SLC25A21: variants seen among roughly 807,000 people sequenced by gnomAD.
The protein encoded by SLC25A21 is solute carrier family 25 member 21, also known as mitochondrial 2-oxodicarboxylate carrier.
SLC25A21 carries 47 observed loss-of-function variants against 43.8 expected under a neutral mutation model. That is an observed-to-expected ratio of 1.07 (90% CI 0.85 to 1.37). The LOEUF is 1.37. Among genes scored for constraint, SLC25A21 ranks in the 40% most tolerant of loss-of-function variants. The pLI is 0.00. For missense variants in SLC25A21, 352 were observed against 350.2 expected (o/e 1.00, Z -0.04); for synonymous variants, 131 against 121.3 (o/e 1.08, Z -0.52).
intron 1 of SLC25A21, among the ~76,000 whole-genome samples, chr14:36,934,095 A>T (rs564305731): frequency 7.6e-4 from 116 of 152,244 alleles, no homozygotes; most frequent in Middle Eastern, 3.4e-3. Context: ...GATTTTTTTA[A>T]GTTCCAAAAC....
At chr14:36,712,165 A>T (rs2139190192) in intron 6 of SLC25A21, among the ~76,000 whole-genome samples, 1 of 152,180 alleles carries the variant, frequency 6.6e-6, no homozygotes, top group East Asian at 1.9e-4. Flanking sequence ...TGACTGCTAG[A>T]ATCCAGTCTG....
Position 36,680,444 on chromosome 14 carries a change from A to C in SLC25A21, c.*214T>G. On this transcript the variant is annotated 3_prime_UTR_variant, in exon 10 of 10. Coordinates refer to ENST00000331299, the MANE Select transcript of SLC25A21 (RefSeq NM_030631.4). ...TTCACTTTAAATACCTCATTGTTTC[A>C]TATTATTTTTTTCTTCTCACAGTTT... 1 of 1,181,786 alleles carries C rather than the reference A, an allele frequency of 8.5e-7. No homozygotes were observed. Among genetic ancestry groups the C allele is most frequent in the East Asian group, 3.4e-5 (1 of 29,278 alleles). The allele number at this position is 1,181,786 out of a possible 1,614,324, so 73.2% of individuals were successfully genotyped here.
intron 2 of SLC25A21, among the ~76,000 whole-genome samples, chr14:36,855,816 G>A (rs946566965): frequency 3.9e-5 from 6 of 152,158 alleles, no homozygotes; most frequent in Admixed American, 1.3e-4. Context: ...ATATCAATAC[G>A]TATGCCTCGA....
intron 3 of SLC25A21, among the ~76,000 whole-genome samples, chr14:36,762,009 A>G (rs1213691976): frequency 6.6e-6 from 1 of 152,230 alleles, no homozygotes; most frequent in Non-Finnish European, 1.5e-5. Context: ...TCTTGTCAAA[A>G]TCTTTCAAAA....
intron 1 of SLC25A21, among the ~76,000 whole-genome samples, chr14:37,167,741 C>A (rs892979395): frequency 1.3e-5 from 2 of 152,038 alleles, no homozygotes; most frequent in East Asian, 3.9e-4. Flanking sequence ...GCAGACCCTG[C>A]GTTTGATGGA....
chr14:36,941,932 A>G (rs1291512944), intron 1 of SLC25A21, among the ~76,000 whole-genome samples: 2 of 152,122 alleles, frequency 1.3e-5, no homozygotes, highest in Non-Finnish European at 2.9e-5. Flanking sequence ...AGCAAAATCA[A>G]TGATACATCA....
intron 1 of SLC25A21, among the ~76,000 whole-genome samples, chr14:37,049,118 T>C (rs768078670): frequency 6.6e-6 from 1 of 152,228 alleles, no homozygotes; most frequent in African/African-American, 2.4e-5. Flanking sequence ...CAGCCAGAGT[T>C]AAGAACTACT....
chr14:36,738,624 C>G (rs946765483), intron 3 of SLC25A21, among the ~76,000 whole-genome samples: 2 of 152,182 alleles, frequency 1.3e-5, no homozygotes, highest in African/African-American at 4.8e-5. Context: ...TGACTCACAT[C>G]AAGCCAACTA....
intron 6 of SLC25A21, among the ~76,000 whole-genome samples, chr14:36,716,399 A>C (rs766455354): frequency 6.6e-6 from 1 of 152,036 alleles, no homozygotes; most frequent in Non-Finnish European, 1.5e-5. Flanking sequence ...TAAATAAGTA[A>C]ATTTTAGCTG....
intron 1 of SLC25A21, among the ~76,000 whole-genome samples, chr14:36,989,583 C>CTA (rs950429977): frequency 2.0e-5 from 3 of 151,640 alleles, no homozygotes; most frequent in African/African-American, 7.3e-5. Context: ...GAAGTCTTAA[C>CTA]TATAACACTA....
intron 1 of SLC25A21, among the ~76,000 whole-genome samples, chr14:37,050,036 T>C (rs1961671368): frequency 6.6e-6 from 1 of 152,234 alleles, no homozygotes; most frequent in African/African-American, 2.4e-5. Flanking sequence ...AAGACTACAC[T>C]AATATAATTT....
intron 1 of SLC25A21, among the ~76,000 whole-genome samples, chr14:37,085,423 A>G (rs1962465773): frequency 6.6e-6 from 1 of 152,060 alleles, no homozygotes; most frequent in South Asian, 2.1e-4. Context: ...AACCCTAAAA[A>G]CTATATATAT....
chr14:36,864,159 C>T (rs1260024531), intron 2 of SLC25A21, among the ~76,000 whole-genome samples: 4 of 151,768 alleles, frequency 2.6e-5, no homozygotes, highest in African/African-American at 9.7e-5. Context: ...GTTTTAGGGT[C>T]ATTCCTAGGT....
intron 3 of SLC25A21, among the ~76,000 whole-genome samples, chr14:36,738,295 G>C (rs1263305876): frequency 1.3e-5 from 2 of 152,162 alleles, no homozygotes; most frequent in African/African-American, 4.8e-5. Flanking sequence ...AAGGAATTGT[G>C]ATGTTTTATG....
chr14:37,170,699 G>T (rs1298717164), intron 1 of SLC25A21, among the ~76,000 whole-genome samples: 1 of 151,872 alleles, frequency 6.6e-6, no homozygotes, highest in African/African-American at 2.4e-5. Context: ...GGTCAAGGGG[G>T]TCAGATTGCT....
chr14:37,113,111 T>C (rs763878845), intron 1 of SLC25A21, among the ~76,000 whole-genome samples: 4 of 152,136 alleles, frequency 2.6e-5, no homozygotes, highest in African/African-American at 7.2e-5. Context: ...AGAGTTTCCA[T>C]AGACACCTCA....
intron 1 of SLC25A21, chr14:37,098,604 T>C (rs554960465): frequency 6.6e-6 from 1 of 151,952 alleles, no homozygotes; most frequent in South Asian, 2.1e-4. Context: ...ACAGGAAGAG[T>C]TCTTCTGAAT....
rs1677324369 is a variant in SLC25A21, at chr14:36,994,620, G to T, written c.71-119616C>A. The stretch of plus-strand genomic sequence containing the variant: ...CAGAGTGGGAGCCTAGGGTTATTAG[G>T]TGAACCCATCATTGACTAAGAACAA... On this transcript the variant is annotated intron_variant, in intron 1 of 9. Transcript: ENST00000331299. 1.3e-5 allele frequency among the ~76,000 whole-genome samples: 2 copies of T among 152,096 alleles called. 1 individual carries two copies. The highest frequency in any genetic ancestry group is 4.1e-4 in the South Asian group (2 of 4,824).
intron 3 of SLC25A21, among the ~76,000 whole-genome samples, chr14:36,762,580 A>T (rs1396793921): frequency 6.6e-6 from 1 of 152,232 alleles, no homozygotes; most frequent in African/African-American, 2.4e-5. Flanking sequence ...TGAGTTTGAA[A>T]ATATAAACTG....
Sources: allele counts gnomAD v4.1 joint callset (sites outside exome capture counted in the v4.1 genomes callset), GRCh38; gene constraint gnomAD v4.1.1; transcripts MANE v1.5; gene names NCBI Gene and HGNC (gene_info 2026-07-23, HGNC 2026-07-21).